TNS3: variants seen among roughly 807,000 people sequenced by gnomAD.
TNS3 encodes the protein tensin 3.
A neutral mutation model predicts 140.9 loss-of-function variants in TNS3; 45 were observed. The observed-to-expected ratio is 0.32, with a 90% CI of 0.25 to 0.41. The LOEUF (loss-of-function observed/expected upper bound fraction) is 0.41. Ranked by LOEUF, TNS3 falls within the 10% of genes least tolerant of loss-of-function variation. The pLI, the probability that TNS3 is intolerant of heterozygous loss-of-function variation, is 1.00. For missense variants in TNS3, 1,716 were observed against 1,906.7 expected, an observed-to-expected ratio of 0.90 and a Z score of 1.86; for synonymous variants, 815 against 788.4, an observed-to-expected ratio of 1.03 and a Z score of -0.56.
intron 17 of TNS3, among the ~76,000 whole-genome samples, chr7:47,355,145 C>T (rs1789917771): frequency 6.6e-6 from 1 of 152,230 alleles, no homozygotes; most frequent in African/African-American, 2.4e-5. Context: ...TGAGGGCTGC[C>T]CAGCCAGCAA....
chr7:47,488,682 G>C (rs1197188578), intron 3 of TNS3, among the ~76,000 whole-genome samples: 1 of 152,128 alleles, frequency 6.6e-6, no homozygotes, highest in Non-Finnish European at 1.5e-5. Flanking sequence ...TTTGAATTTG[G>C]GGAAACAAAA....
intron 20 of TNS3, 118 bp from the exon 21 acceptor site, chr7:47,305,121 C>A: frequency 1.3e-6 from 1 of 797,430 alleles, no homozygotes; most frequent in Non-Finnish European, 1.7e-6. Context: ...TTTCTGTCAT[C>A]CATGGCCATA....
chr7:47,298,430 T>G (rs1038021284), intron 23 of TNS3, among the ~76,000 whole-genome samples: 11 of 152,232 alleles, frequency 7.2e-5, no homozygotes, highest in Non-Finnish European at 5.9e-5. Context: ...GGGAGTGGGT[T>G]AGGGTAATAG....
At chr7:47,545,024 A>G (rs1427422101) in intron 1 of TNS3, among the ~76,000 whole-genome samples, 1 of 151,964 alleles carries the variant, frequency 6.6e-6, no homozygotes, top group Non-Finnish European at 1.5e-5. Context: ...AACACTAAAA[A>G]CGGAGAGAGG....
In TNS3 at chr7:47,369,426, T is replaced by C. The variant is rs1159479205; in HGVS notation, c.1220A>G (p.Glu407Gly). ...TASARTDKTE[E>G]RLAPGTRRGL... is the part of the protein sequence containing the mutation. ...CCTCCTGGTTCCTGGGGCCAGGCGC[T>C]CTTCCGTCTTATCCGTCCTGGCAGA... Residue 407 changes from glutamate to glycine, a missense_variant, in exon 17 of 31, where the codon GAG (glutamate) becomes GGG (glycine). By Grantham distance (98) the Glu-to-Gly change is moderately conservative (BLOSUM62 -2). Coordinates refer to ENST00000311160, the MANE Select transcript of TNS3 (RefSeq NM_022748.12). The C allele has an allele frequency of 1.2e-6, 2 of 1,614,194 alleles. No individual in the cohort carries two copies. The highest frequency in any genetic ancestry group is 2.2e-5 in the South Asian group (2 of 91,084).
chr7:47,580,725 C>A (rs982640466), intron 1 of TNS3, among the ~76,000 whole-genome samples: 9 of 151,460 alleles, frequency 5.9e-5, no homozygotes, highest in African/African-American at 2.2e-4. Context: ...ATCACCAGAA[C>A]AAGTAAACCT....
At chr7:47,348,792 T>G (rs535242565) in intron 17 of TNS3, among the ~76,000 whole-genome samples, 154 of 152,318 alleles carry the variant, frequency 1.0e-3, no homozygotes, top group African/African-American at 3.6e-3. Flanking sequence ...GGAAACTCAC[T>G]GGCTTCAGAA....
At chr7:47,551,786 G>T (rs1349259756) in intron 1 of TNS3, among the ~76,000 whole-genome samples, 1 of 152,186 alleles carries the variant, frequency 6.6e-6, no homozygotes, top group Non-Finnish European at 1.5e-5. Flanking sequence ...AGAGTAAGAA[G>T]TGTGCAAATT....
chr7:47,427,801 C>A (rs1794735347), intron 9 of TNS3, among the ~76,000 whole-genome samples: 1 of 152,208 alleles, frequency 6.6e-6, no homozygotes, highest in Admixed American at 6.5e-5. Flanking sequence ...AGCCTCACCT[C>A]CCTCATCCAT....
intron 13 of TNS3, chr7:47,405,655 A>T: frequency 1.4e-6 from 1 of 694,244 alleles, no homozygotes; most frequent in South Asian, 1.5e-5. Flanking sequence ...GACCCAGCCC[A>T]GTCTAAAAGG....
chr7:47,556,245 T>C (rs1400651166), intron 1 of TNS3, among the ~76,000 whole-genome samples: 1 of 152,228 alleles, frequency 6.6e-6, no homozygotes, highest in Non-Finnish European at 1.5e-5. Flanking sequence ...CTGCAGAAGA[T>C]CCTGGAGACA....
In TNS3 at chr7:47,361,421, C is replaced by T. The variant is rs549212815; in HGVS notation, c.2281+6944G>A. Among the ~76,000 whole-genome samples the T allele has an allele frequency of 2.6e-5, 4 of 152,228 alleles. 1 individual carries two copies. The South Asian group carries it at 8.3e-4, about 32-fold the overall frequency. On this transcript the variant is annotated intron_variant, in intron 17 of 30. Transcript: ENST00000311160. ...TCCAGACCATCTGCCTGGTAAGGAT[C>T]CCTCTGCCTCACAAGGCCTGGCTGA...
At chr7:47,287,771 T>C (rs535296515) in intron 27 of TNS3, among the ~76,000 whole-genome samples, 26 of 152,242 alleles carry the variant, frequency 1.7e-4, no homozygotes, top group African/African-American at 6.3e-4. Context: ...AGAAATGAGA[T>C]TTTTAAAGGA....
At chr7:47,487,998 G>A (rs914098314) in intron 3 of TNS3, among the ~76,000 whole-genome samples, 1 of 152,010 alleles carries the variant, frequency 6.6e-6, no homozygotes, top group Non-Finnish European at 1.5e-5. Context: ...AGGACCTTAC[G>A]ATATAATTGG....
chr7:47,396,627 C>A (rs542409023), intron 16 of TNS3, 173 bp downstream of exon 16: 2 of 634,208 alleles, frequency 3.2e-6, no homozygotes, highest in Non-Finnish European at 5.7e-6. Context: ...CTTATTCTCA[C>A]GAAGACCCTC....
intron 3 of TNS3, among the ~76,000 whole-genome samples, chr7:47,485,317 T>C (rs868040903): frequency 1.3e-4 from 20 of 152,210 alleles, no homozygotes; most frequent in Non-Finnish European, 2.6e-4. Context: ...CAGTGCCCTG[T>C]CTGTAGGTCT....
upstream of TNS3, chr7:47,582,434 G>A (rs1784559424): frequency 2.2e-6 from 1 of 456,530 alleles, no homozygotes; most frequent in Non-Finnish European, 4.4e-6. Context: ...TACCTGGGGA[G>A]GCGGGTTCGG....
chr7:47,436,221 T>C (rs907394712), intron 7 of TNS3, among the ~76,000 whole-genome samples: 1 of 152,252 alleles, frequency 6.6e-6, no homozygotes, highest in Non-Finnish European at 1.5e-5. Context: ...TCTGTATACA[T>C]TTAGCATAAT....
chr7:47,342,171 A>C (rs1330395876), intron 20 of TNS3, among the ~76,000 whole-genome samples: 1 of 152,212 alleles, frequency 6.6e-6, no homozygotes, highest in African/African-American at 2.4e-5. Context: ...CCTGAAGTCC[A>C]TGGCTAGCTG....
Sources: gnomAD v4.1 joint callset for allele counts (sites outside exome capture counted in the v4.1 genomes callset) on GRCh38, gnomAD v4.1.1 for gene constraint, MANE v1.5 for transcripts, NCBI Gene and HGNC (gene_info 2026-07-23, HGNC 2026-07-21) for gene names.